SMG6: variants seen among roughly 807,000 people sequenced by gnomAD.
The protein encoded by SMG6 is SMG6 nonsense mediated mRNA decay factor.
A neutral mutation model predicts 142.2 loss-of-function variants in SMG6; 66 were observed. That is an observed-to-expected ratio of 0.46 (90% CI 0.38 to 0.57). The LOEUF is 0.57. Ranked by LOEUF, SMG6 falls within the 20% of genes least tolerant of loss-of-function variation. SMG6 has a pLI of 0.00. For synonymous variants in SMG6, 779 were observed against 702.4 expected, an observed-to-expected ratio of 1.11 and a Z score of -1.72; for missense variants, 1,793 against 1,832.0, an observed-to-expected ratio of 0.98 and a Z score of 0.39.
chr17:2,120,881 A>C (rs541628934), intron 13 of SMG6, among the ~76,000 whole-genome samples: 10 of 152,300 alleles, frequency 6.6e-5, no homozygotes, highest in African/African-American at 2.2e-4. Context: ...CTTTGGAAAA[A>C]GCTGTAGGGC....
intron 8 of SMG6, among the ~76,000 whole-genome samples, chr17:2,252,037 T>G (rs1295703935): frequency 6.9e-6 from 1 of 145,196 alleles, no homozygotes; most frequent in South Asian, 2.2e-4. Context: ...GAGACGGAGG[T>G]TGCAGTGAGC....
At chr17:2,277,148 TA>T (rs1567740107) in intron 8 of SMG6, among the ~76,000 whole-genome samples, 52 of 75,464 alleles carry the variant, frequency 6.9e-4, no homozygotes, top group African/African-American at 2.7e-3. Context: ...TTTATTTATT[TA>T]TTTATTTATT....
intron 13 of SMG6, among the ~76,000 whole-genome samples, chr17:2,100,541 G>A (rs1209527381): frequency 3.9e-5 from 6 of 152,132 alleles, no homozygotes; most frequent in Non-Finnish European, 5.9e-5. Context: ...CAATGAATTA[G>A]TATTTCTTGA....
chr17:2,083,302 G>T (rs2068473755), intron 14 of SMG6, among the ~76,000 whole-genome samples: 1 of 152,228 alleles, frequency 6.6e-6, no homozygotes, highest in South Asian at 2.1e-4. Context: ...GATTACTCAG[G>T]TGGGTGGCTG....
intron 10 of SMG6, chr17:2,214,065 G>A (rs1229631904): frequency 6.6e-6 from 1 of 152,352 alleles, no homozygotes; most frequent in East Asian, 1.9e-4. Context: ...GGGACCTAGA[G>A]TCACTAGCAG....
intron 13 of SMG6, chr17:2,088,318 C>T (rs926995177): frequency 1.1e-5 from 11 of 985,266 alleles, no homozygotes; most frequent in Non-Finnish European, 1.2e-6. Context: ...TTCCAGGGCA[C>T]AGCAGGACCC....
At chr17:2,279,759 CAGG>C in intron 8 of SMG6, among the ~76,000 whole-genome samples, 1 of 152,192 alleles carries the variant, frequency 6.6e-6, no homozygotes, top group Non-Finnish European at 1.5e-5. Flanking sequence ...CAGTCGCTCA[CAGG>C]AGAACTTCTC....
intron 8 of SMG6, among the ~76,000 whole-genome samples, chr17:2,277,932 C>T (rs1051677767): frequency 1.3e-5 from 2 of 152,044 alleles, no homozygotes; most frequent in Non-Finnish European, 2.9e-5. Context: ...CTTGCAGTCC[C>T]AGCTACTCAG....
At chr17:2,145,662 A>AAAAAAAAAAAC (rs2070646270) in intron 13 of SMG6, among the ~76,000 whole-genome samples, 1 of 150,878 alleles carries the variant, frequency 6.6e-6, no homozygotes, top group South Asian at 2.1e-4. Context: ...AAAAAAAAAA[A>AAAAAAAAAAAC]AAAAGCATAT....
chr17:2,115,003 A>T (rs191937805), intron 13 of SMG6, among the ~76,000 whole-genome samples: 1 of 119,872 alleles, frequency 8.3e-6, no homozygotes, highest in Non-Finnish European at 1.8e-5. Flanking sequence ...ATAAAATAAA[A>T]TAATTAAAAA....
intron 15 of SMG6, 85 bp downstream of exon 15, chr17:2,081,725 C>A: frequency 1.3e-6 from 2 of 1,502,726 alleles, no homozygotes; most frequent in Non-Finnish European, 1.8e-6. Flanking sequence ...TAGTGTCCTG[C>A]TCAGCTCTGC....
chr17:2,097,489 G>A (rs1446902634), intron 13 of SMG6, among the ~76,000 whole-genome samples: 1 of 152,062 alleles, frequency 6.6e-6, no homozygotes, highest in East Asian at 1.9e-4. Context: ...TTCTGTATGA[G>A]GTGTGTTACT....
chr17:2,154,340 CG>C lies in SMG6; in HGVS notation c.3357+18317del, dbSNP rs1297827119. On this transcript the variant is annotated intron_variant, in intron 13 of 18. Transcript: ENST00000263073. ...GGATGCATGTAGAGTGTGACGGTGA[CG>C]GGGGGGAATCTGGGGATGCATCTAG... Among the ~76,000 whole-genome samples the C allele has an allele frequency of 7.2e-5, 9 of 125,486 alleles. No homozygotes were observed. The East Asian group carries it at 1.3e-3, about 18-fold the overall frequency. The allele number at this position is 125,486 out of a possible 152,430, so 82.3% of individuals were successfully genotyped here. A position where few individuals can be genotyped will look rare whatever the true frequency, so the allele number is the denominator to read the frequency against.
At chr17:2,303,394 G>C (rs1177478804) in intron 1 of SMG6, 5 of 1,245,604 alleles carry the variant, frequency 4.0e-6, no homozygotes, top group South Asian at 3.2e-5. Context: ...GCGAGAAAGA[G>C]GGTGGAGGCA....
intron 13 of SMG6, among the ~76,000 whole-genome samples, chr17:2,118,245 C>T (rs1316674513): frequency 6.6e-6 from 1 of 150,938 alleles, no homozygotes; most frequent in Non-Finnish European, 1.5e-5. Flanking sequence ...TCTCAAAAAA[C>T]AAAACAACAG....
intron 13 of SMG6, among the ~76,000 whole-genome samples, chr17:2,166,197 G>A (rs1193250369): frequency 6.6e-6 from 1 of 152,186 alleles, no homozygotes; most frequent in East Asian, 1.9e-4. Flanking sequence ...TTGGGAGACA[G>A]AGCCAGACTC....
intron 10 of SMG6, among the ~76,000 whole-genome samples, chr17:2,197,570 C>A (rs2072369757): frequency 6.6e-6 from 1 of 151,542 alleles, no homozygotes; most frequent in South Asian, 2.1e-4. Flanking sequence ...TCAAAAAAAA[C>A]AACACATAAA....
Position 2,121,583 on chromosome 17 carries a change from CTGTCTGTGTGTGTGTGTGTG to C in SMG6, c.3358-35702_3358-35683del, listed in dbSNP as rs1279924300. Reference sequence around the variant, plus strand: ...CACATATATGTATATATGTACATGTCTGTCTGTGTGTGTGTGTGTGTGTGTGTGTGTGTGTGTGTGTGTGT... The same window carrying C: ...CACATATATGTATATATGTACATGTCTGTGTGTGTGTGTGTGTGTGTGTGT... On this transcript the variant is annotated intron_variant, in intron 13 of 18. Coordinates refer to ENST00000263073, the MANE Select transcript of SMG6 (RefSeq NM_017575.5). 5.9e-3 allele frequency among the ~76,000 whole-genome samples: 694 copies of C among 118,280 alleles called. 18 individuals carry two copies. The highest frequency in any genetic ancestry group is 0.018 in the African/African-American group (654 of 35,776). 77.6% of individuals were successfully genotyped at this position (118,280 alleles called of 152,430 possible).
intron 16 of SMG6, among the ~76,000 whole-genome samples, chr17:2,067,824 C>T (rs2067993730): frequency 6.6e-6 from 1 of 152,188 alleles, no homozygotes; most frequent in African/African-American, 2.4e-5. Flanking sequence ...CCATCTGGCA[C>T]TAAGACACTT....
Sources: gnomAD v4.1 joint callset for allele counts (sites outside exome capture counted in the v4.1 genomes callset) on GRCh38, gnomAD v4.1.1 for gene constraint, MANE v1.5 for transcripts, NCBI Gene and HGNC (gene_info 2026-07-23, HGNC 2026-07-21) for gene names.